The following RPA3 variants were observed in gnomAD, a reference collection of about 807,000 sequenced individuals.
RPA3 encodes the protein replication protein A 14 kDa subunit.
A neutral mutation model predicts 13.7 loss-of-function variants in RPA3; 24 were observed. The ratio of observed to expected loss-of-function variants is 1.75; its 90% confidence interval spans 1.27 to 2.46. RPA3 has a LOEUF of 2.46. Among genes scored for constraint, RPA3 ranks in the 30% most tolerant of loss-of-function variants. The probability of loss-of-function intolerance (pLI) is 0.00; values close to 1 mark genes in which losing one functional copy is unlikely to be tolerated. For missense variants in RPA3, 183 were observed against 151.0 expected (o/e 1.21, Z -1.11); for synonymous variants, 59 against 51.2 (o/e 1.15, Z -0.65).
chr7:7,706,103 A>C (rs573811932), intron 2 of RPA3, among the ~76,000 whole-genome samples: 1 of 152,332 alleles, frequency 6.6e-6, no homozygotes, highest in African/African-American at 2.4e-5. Context: ...GTTATGATGG[A>C]GTCAGGATGC....
chr7:7,705,426 A>G (rs546687297), intron 2 of RPA3, among the ~76,000 whole-genome samples: 3 of 152,230 alleles, frequency 2.0e-5, no homozygotes, highest in Non-Finnish European at 4.4e-5. Context: ...ATAACTATGT[A>G]GGTTTAAGTT....
At chr7:7,717,669 A>G (rs1780952560) in intron 1 of RPA3, among the ~76,000 whole-genome samples, 1 of 152,234 alleles carries the variant, frequency 6.6e-6, no homozygotes, top group Admixed American at 6.5e-5. Flanking sequence ...TGGGGCATCA[A>G]CAGCATGGAG....
intron 4 of RPA3, among the ~76,000 whole-genome samples, chr7:7,653,901 C>G (rs1455784334): frequency 3.9e-5 from 6 of 152,290 alleles, no homozygotes; most frequent in African/African-American, 1.4e-4. Flanking sequence ...GTGCTAAGGA[C>G]AGCCTCCCAC....
chr7:7,688,045 A>G (rs28912727), intron 2 of RPA3, among the ~76,000 whole-genome samples: 138 of 152,254 alleles, frequency 9.1e-4, no homozygotes, highest in African/African-American at 3.1e-3. Context: ...TGCTGTTGCT[A>G]TGTTAGGGGT....
chr7:7,699,344 T>C (rs1780401474), intron 2 of RPA3, among the ~76,000 whole-genome samples: 1 of 152,240 alleles, frequency 6.6e-6, no homozygotes, highest in Non-Finnish European at 1.5e-5. Context: ...CTTTAATCAC[T>C]CATAAACTTG....
intron 4 of RPA3, among the ~76,000 whole-genome samples, chr7:7,670,572 C>A (rs765164587): frequency 6.6e-6 from 1 of 152,198 alleles, no homozygotes; most frequent in Non-Finnish European, 1.5e-5. Context: ...AAGTAACTCA[C>A]CCCTCCCCAA....
intron 4 of RPA3, among the ~76,000 whole-genome samples, chr7:7,680,069 G>C (rs976444332): frequency 2.0e-5 from 3 of 151,820 alleles, no homozygotes; most frequent in African/African-American, 7.3e-5. Context: ...GTCCATTTTT[G>C]CTTTGGTTGC....
At chr7:7,688,205 G>T (rs1410262638) in intron 2 of RPA3, among the ~76,000 whole-genome samples, 1 of 152,126 alleles carries the variant, frequency 6.6e-6, no homozygotes, top group Non-Finnish European at 1.5e-5. Flanking sequence ...AAAATATTAA[G>T]AATTACTTTT....
intron 1 of RPA3, among the ~76,000 whole-genome samples, chr7:7,716,818 C>T (rs997361490): frequency 2.6e-5 from 4 of 152,034 alleles, no homozygotes; most frequent in African/African-American, 7.2e-5. Flanking sequence ...TGGTGGCGGG[C>T]GCCCATAATC....
intron 3 of RPA3, among the ~76,000 whole-genome samples, chr7:7,686,704 A>G (rs1780049022): frequency 6.6e-6 from 1 of 152,204 alleles, no homozygotes; most frequent in Non-Finnish European, 1.5e-5. Flanking sequence ...TCACTGTGAT[A>G]TGGGGCAGAC....
intron 4 of RPA3, among the ~76,000 whole-genome samples, chr7:7,676,476 T>A (rs1246176173): frequency 6.6e-6 from 1 of 152,156 alleles, no homozygotes; most frequent in Non-Finnish European, 1.5e-5. Flanking sequence ...GAACTATCCA[T>A]CTTTTTGTAA....
At chr7:7,650,407 G>A (rs1420391960) in intron 4 of RPA3, among the ~76,000 whole-genome samples, 1 of 152,086 alleles carries the variant, frequency 6.6e-6, no homozygotes, top group Non-Finnish European at 1.5e-5. Flanking sequence ...TAAGTGGATG[G>A]TTAATTTCTT....
chr7:7,662,044 C>T (rs543881029), intron 4 of RPA3, among the ~76,000 whole-genome samples: 6 of 152,300 alleles, frequency 3.9e-5, no homozygotes, highest in African/African-American at 1.2e-4. Context: ...CTGGCTACAG[C>T]GGCTTTGCTG....
chr7:7,686,993 C>G (rs1780056123), intron 3 of RPA3, among the ~76,000 whole-genome samples: 1 of 152,174 alleles, frequency 6.6e-6, no homozygotes, highest in African/African-American at 2.4e-5. Context: ...GTAAGGATAG[C>G]TGAAGAGTGA....
At chr7:7,675,473 G>A (rs1473329949) in intron 4 of RPA3, among the ~76,000 whole-genome samples, 1 of 152,120 alleles carries the variant, frequency 6.6e-6, no homozygotes, top group Admixed American at 6.6e-5. Flanking sequence ...TAGAAGCCCA[G>A]TTTCCAGGGC....
intron 2 of RPA3, among the ~76,000 whole-genome samples, chr7:7,709,508 T>C (rs1780694523): frequency 6.6e-6 from 1 of 152,158 alleles, no homozygotes; most frequent in Non-Finnish European, 1.5e-5. Flanking sequence ...AGAAGGTGAA[T>C]GACTGGGGGA....
intron 2 of RPA3, among the ~76,000 whole-genome samples, chr7:7,700,949 C>T (rs1248886219): frequency 6.6e-6 from 1 of 152,108 alleles, no homozygotes; most frequent in Non-Finnish European, 1.5e-5. Flanking sequence ...ACATGGAAGA[C>T]TGAGGCAAGA....
intron 4 of RPA3, among the ~76,000 whole-genome samples, chr7:7,649,641 T>C (rs1260120980): frequency 1.3e-5 from 2 of 152,210 alleles, no homozygotes; most frequent in Non-Finnish European, 2.9e-5. Context: ...TTTAATGTTA[T>C]CAGTCTGTGT....
intron 3 of RPA3, 125 bp downstream of exon 3, chr7:7,687,103 T>C (rs1780058052): frequency 6.6e-6 from 1 of 152,246 alleles, no homozygotes; most frequent in South Asian, 2.1e-4. Flanking sequence ...GCAACTATTT[T>C]ATTATGTGAT....
Sources: gnomAD v4.1 joint callset for allele counts (sites outside exome capture counted in the v4.1 genomes callset) on GRCh38, gnomAD v4.1.1 for gene constraint, MANE v1.5 for transcripts, NCBI Gene and HGNC (gene_info 2026-07-23, HGNC 2026-07-21) for gene names.